The following SNX30 variants were observed in gnomAD, a reference collection of about 807,000 sequenced individuals.
SNX30 encodes the protein sorting nexin-30.
SNX30 carries 24 observed loss-of-function variants against 46.4 expected under a neutral mutation model. The ratio of observed to expected loss-of-function variants is 0.52; its 90% CI spans 0.37 to 0.73. The LOEUF is 0.73. Among genes scored for constraint, SNX30 ranks in the 30% least tolerant of loss-of-function variants. The pLI is 0.00. For synonymous variants in SNX30, 189 were observed against 211.5 expected, an observed-to-expected ratio of 0.89 and a Z score of 0.92; for missense variants, 533 against 555.7, an observed-to-expected ratio of 0.96 and a Z score of 0.41.
intron 7 of SNX30, among the ~76,000 whole-genome samples, chr9:112,853,384 G>T (rs1228232665): frequency 6.6e-6 from 1 of 152,192 alleles, no homozygotes; most frequent in Non-Finnish European, 1.5e-5. Context: ...TCTGCCTATG[G>T]CCGGCCCCAC....
chr9:112,819,245 C>G (rs1840452784), intron 3 of SNX30, among the ~76,000 whole-genome samples: 1 of 146,734 alleles, frequency 6.8e-6, no homozygotes, highest in Admixed American at 6.9e-5. Context: ...ATTCCAAGTT[C>G]CTTTTTATTT....
intron 4 of SNX30, among the ~76,000 whole-genome samples, chr9:112,832,485 TGTGTGTGTGTGA>T (rs1396033805): frequency 7.7e-6 from 1 of 130,426 alleles, no homozygotes; most frequent in African/African-American, 3.2e-5. Context: ...TGTGTGTGTG[TGTGTGTGTGTGA>T]GAGAGAGAGA....
chr9:112,853,613 TTCACA>T (rs1182468702), intron 7 of SNX30, among the ~76,000 whole-genome samples: 1 of 152,214 alleles, frequency 6.6e-6, no homozygotes, highest in Non-Finnish European at 1.5e-5. Flanking sequence ...ATAGAAGTCA[TTCACA>T]GAAAACAAAT....
intron 6 of SNX30, among the ~76,000 whole-genome samples, chr9:112,844,245 G>A (rs938495706): frequency 1.3e-5 from 2 of 152,172 alleles, no homozygotes; most frequent in African/African-American, 4.8e-5. Flanking sequence ...TGGGTGGATC[G>A]CAGTACTGTT....
chr9:112,779,153 C>G (rs1309501729), intron 1 of SNX30, among the ~76,000 whole-genome samples: 1 of 152,222 alleles, frequency 6.6e-6, no homozygotes, highest in Non-Finnish European at 1.5e-5. Flanking sequence ...CCTTTAGATT[C>G]TCTTCATCTG....
chr9:112,766,235 AC>A (rs1324747671), intron 1 of SNX30, among the ~76,000 whole-genome samples: 1 of 151,484 alleles, frequency 6.6e-6, no homozygotes, highest in Non-Finnish European at 1.5e-5. Flanking sequence ...CTTTTCCTCC[AC>A]CCCTCCAGTG....
Position 112,874,716 on chromosome 9 carries a change from A to T in SNX30, c.*5873A>T, listed in dbSNP as rs892187210. ...GCTACCAAACTTTAAAAAGAATGTC[A>T]CCCTTTTTTTTGTTTGTTATGGAAA... On this transcript the variant is annotated 3_prime_UTR_variant, in exon 9 of 9. Transcript: ENST00000374232. 1 of 151,978 alleles carries T rather than the reference A, an allele frequency of 6.6e-6. No individual in the cohort carries two copies. Among genetic ancestry groups the T allele is most frequent in the African/African-American group, 2.4e-5 (1 of 41,378 alleles). The allele number at this position is 151,978 out of a possible 1,614,324, so 9.4% of individuals were successfully genotyped here.
chr9:112,830,807 A>G lies in SNX30; in HGVS notation c.542A>G (p.Asp181Gly), dbSNP rs776281737. 1 of 1,614,092 alleles carries G rather than the reference A, an allele frequency of 6.2e-7. No homozygotes were observed. Among genetic ancestry groups the G allele is most frequent in the Non-Finnish European group, 8.5e-7 (1 of 1,179,992 alleles). Residue 181 changes from aspartate to glycine, a missense_variant, in exon 4 of 9, where the codon GAT (aspartate) becomes GGT (glycine). Physicochemically the swap from Asp to Gly is moderately conservative, Grantham distance 94. This residue lies in a region of SNX30 where 81 missense variants were observed against 124.4 expected (regional missense o/e 0.65). Coordinates refer to ENST00000374232, the MANE Select transcript of SNX30 (RefSeq NM_001012994.2). ...EFVETRRKAL[D>G]KFLKRITDHP... ...GTGGAGACCAGAAGAAAAGCTTTGG[A>G]TAAATTTCTAAAAAGAATTACGGAC...
At chr9:112,760,068 G>A (rs185164633) in intron 1 of SNX30, among the ~76,000 whole-genome samples, 45 of 152,322 alleles carry the variant, frequency 3.0e-4, no homozygotes, top group African/African-American at 1.0e-3. Flanking sequence ...GGGAATAAAA[G>A]CCAGTGAAGT....
At chr9:112,764,909 G>T (rs71491060) in intron 1 of SNX30, among the ~76,000 whole-genome samples, 1 of 152,200 alleles carries the variant, frequency 6.6e-6, no homozygotes, top group Admixed American at 6.5e-5. Context: ...GACGCAGGGG[G>T]AGTTGTGGCA....
At chr9:112,786,396 T>C (rs787269) in intron 1 of SNX30, among the ~76,000 whole-genome samples, 133,874 of 152,174 alleles carry the variant, frequency 0.88, 59,086 homozygotes, top group Middle Eastern at 0.93. Context: ...GCTGGGATTA[T>C]GGGCCTGAGC....
At chr9:112,790,022 A>G (rs1028687742) in intron 1 of SNX30, among the ~76,000 whole-genome samples, 1 of 152,218 alleles carries the variant, frequency 6.6e-6, no homozygotes, top group East Asian at 1.9e-4. Flanking sequence ...CTTAGAAACC[A>G]TAGGCTATGG....
intron 2 of SNX30, among the ~76,000 whole-genome samples, chr9:112,812,501 A>G (rs2131413696): frequency 6.6e-6 from 1 of 152,226 alleles, no homozygotes; most frequent in Admixed American, 6.5e-5. Context: ...TGATCTGCCC[A>G]CCTTGGCCTC....
At chr9:112,778,144 T>C (rs787294) in intron 1 of SNX30, among the ~76,000 whole-genome samples, 143,184 of 152,148 alleles carry the variant, frequency 0.94, 67,480 homozygotes, top group East Asian at 1. Flanking sequence ...CTACTCAAAG[T>C]GTTGTGGATG....
intron 1 of SNX30, among the ~76,000 whole-genome samples, chr9:112,797,130 C>T (rs971916353): frequency 1.3e-5 from 2 of 152,196 alleles, no homozygotes; most frequent in African/African-American, 2.4e-5. Flanking sequence ...TGTTCTGTTA[C>T]CAAACCTCCA....
In SNX30 at chr9:112,862,583, A is replaced by C. The variant is rs1841255602; in HGVS notation, c.1102-1664A>C. On this transcript the variant is annotated intron_variant, in intron 7 of 8. Coordinates refer to ENST00000374232, the MANE Select transcript of SNX30 (RefSeq NM_001012994.2). ...GTGGTCTTGGGAGGAGGCAAAAGAG[A>C]CTTAAATCATGGCATCAGAAGAAAA... 2.0e-5 allele frequency among the ~76,000 whole-genome samples: 3 copies of C among 152,186 alleles called. No homozygotes were observed. The South Asian group carries it at 6.2e-4, about 32-fold the overall frequency.
intron 1 of SNX30, among the ~76,000 whole-genome samples, chr9:112,751,777 A>C (rs1181170095): frequency 6.6e-6 from 1 of 152,086 alleles, no homozygotes; most frequent in East Asian, 1.9e-4. Context: ...CACTCTGTTT[A>C]GGTTTGGCAG....
rs115153655 is a variant in SNX30 at position 112,868,470 on chromosome 9, C to A, written c.1255-314C>A. Among the ~76,000 whole-genome samples the A allele has an allele frequency of 4.4e-3, 665 of 152,284 alleles. 5 individuals are homozygous for A. The highest frequency in any genetic ancestry group is 0.015 in the African/African-American group (618 of 41,554). On this transcript the variant is annotated intron_variant, in intron 8 of 8. Transcript: ENST00000374232. ...AGGGGTTTCCTGCTTGGGCTTTTTT[C>A]TGCTTTTTTGAAAGGAAAAGAACTT...
rs1841459677 is a variant in SNX30, at chr9:112,872,337, CT to C, written c.*3495del. ...GCAGCCCGAGGAACATCCAGAGTTA[CT>C]GTGTGACTTGGTCCTGCCATCGTTA... is the stretch of plus-strand genomic sequence containing the variant. On this transcript the variant is annotated 3_prime_UTR_variant, in exon 9 of 9. Transcript: ENST00000374232. 1 of 150,394 alleles carries C rather than the reference CT, an allele frequency of 6.6e-6. No individual in the cohort carries two copies. The highest frequency in any genetic ancestry group is 1.9e-4 in the East Asian group (1 of 5,208). The allele number at this position is 150,394 out of a possible 1,614,324, so 9.3% of individuals were successfully genotyped here.
Sources: allele counts gnomAD v4.1 joint callset (sites outside exome capture counted in the v4.1 genomes callset), GRCh38; gene constraint gnomAD v4.1.1; regional missense constraint gnomAD v4.1.1; transcripts MANE v1.5; gene names NCBI Gene and HGNC (gene_info 2026-07-23, HGNC 2026-07-21).